PARD3B: variants seen among roughly 807,000 people sequenced by gnomAD.
PARD3B encodes par-3 family cell polarity regulator beta, also known as partitioning defective 3 homolog B.
PARD3B carries 103 observed loss-of-function variants against 130.2 expected under a neutral mutation model. That is an observed-to-expected ratio of 0.79 (90% CI 0.67 to 0.93). The LOEUF (loss-of-function observed/expected upper bound fraction) is 0.93, where lower values mean the gene tolerates loss of function less well. Ranked by LOEUF, PARD3B falls within the 40% of genes least tolerant of loss-of-function variation. The pLI is 0.00. For synonymous variants in PARD3B, 583 were observed against 553.2 expected (o/e 1.05, Z -0.76); for missense variants, 1,609 against 1,499.2 (o/e 1.07, Z -1.21).
intron 4 of PARD3B, among the ~76,000 whole-genome samples, chr2:205,062,801 G>A (rs944998920): frequency 6.6e-6 from 1 of 151,990 alleles, no homozygotes; most frequent in Non-Finnish European, 1.5e-5. Context: ...ATAAACAAAT[G>A]TATTTTAATT....
chr2:205,402,249 G>A (rs2046277882), intron 19 of PARD3B, among the ~76,000 whole-genome samples: 1 of 152,188 alleles, frequency 6.6e-6, no homozygotes. Flanking sequence ...TTACATTGTT[G>A]TTGACTATTC....
At chr2:205,394,428 T>C (rs1002357858) in intron 18 of PARD3B, among the ~76,000 whole-genome samples, 2 of 152,178 alleles carry the variant, frequency 1.3e-5, no homozygotes, top group African/African-American at 4.8e-5. Context: ...CAAGCTATTT[T>C]CCTCTCCTAG....
At chr2:205,233,838 G>C (rs1319079043) in intron 15 of PARD3B, among the ~76,000 whole-genome samples, 1 of 152,112 alleles carries the variant, frequency 6.6e-6, no homozygotes, top group Non-Finnish European at 1.5e-5. Flanking sequence ...TGTACTGAAA[G>C]TGACAACAGA....
At chr2:204,651,518 G>T (rs942684068) in intron 1 of PARD3B, among the ~76,000 whole-genome samples, 3 of 152,262 alleles carry the variant, frequency 2.0e-5, no homozygotes, top group Admixed American at 1.3e-4. Flanking sequence ...GGCTCTGCAG[G>T]ATACAGCCCC....
At chr2:205,320,940 ACT>A (rs2042732608) in intron 18 of PARD3B, among the ~76,000 whole-genome samples, 1 of 152,144 alleles carries the variant, frequency 6.6e-6, no homozygotes. Flanking sequence ...AGAGAAGAAT[ACT>A]CTCTTAAATA....
chr2:205,016,523 A>G (rs926216251), intron 3 of PARD3B, among the ~76,000 whole-genome samples: 2 of 152,152 alleles, frequency 1.3e-5, no homozygotes, highest in African/African-American at 4.8e-5. Flanking sequence ...GACTTTACCC[A>G]TAGGATCATT....
chr2:204,755,091 A>G (rs1298250328), intron 2 of PARD3B, among the ~76,000 whole-genome samples: 2 of 152,130 alleles, frequency 1.3e-5, no homozygotes, highest in Non-Finnish European at 2.9e-5. Flanking sequence ...TTTCTCAAAA[A>G]TGATTACATG....
Position 205,047,669 on chromosome 2 carries a change from G to C in PARD3B, c.483G>C (p.Gln161His), listed in dbSNP as rs1698897369. 2 of 1,549,920 alleles carry C rather than the reference G, an allele frequency of 1.3e-6. No individual in the cohort carries two copies. ...TQPSASHPGG[Q>H]SLKLVVPDST... Reference sequence around the variant, plus strand: ...CAAGCGCTTCACACCCTGGTGGCCAGAGTCTGAAACTGGTTGTTCCAGTAG... The same window carrying C: ...CAAGCGCTTCACACCCTGGTGGCCACAGTCTGAAACTGGTTGTTCCAGTAG... The change falls in exon 4 of 23, where the codon CAG becomes CAC. Residue 161 changes from glutamine to histidine, a missense_variant. Transcript: ENST00000406610.
intron 3 of PARD3B, among the ~76,000 whole-genome samples, chr2:205,033,281 G>T (rs1448325544): frequency 1.3e-5 from 2 of 152,090 alleles, no homozygotes; most frequent in African/African-American, 2.4e-5. Context: ...ATGGGGAAAA[G>T]ATTCCTCTAC....
intron 2 of PARD3B, among the ~76,000 whole-genome samples, chr2:204,885,508 T>G (rs2046241285): frequency 6.6e-6 from 1 of 152,220 alleles, no homozygotes; most frequent in African/African-American, 2.4e-5. Flanking sequence ...TTAAATACCA[T>G]TTATTCTAAT....
chr2:204,809,608 T>G (rs890925918), intron 2 of PARD3B, among the ~76,000 whole-genome samples: 10 of 152,202 alleles, frequency 6.6e-5, no homozygotes, highest in African/African-American at 1.4e-4. Context: ...ATGTGCCTGT[T>G]TTTGTACCAG....
chr2:205,246,182 C>A (rs1403078051), intron 16 of PARD3B, among the ~76,000 whole-genome samples: 3 of 151,522 alleles, frequency 2.0e-5, no homozygotes, highest in African/African-American at 7.3e-5. Flanking sequence ...CAGAGAATTC[C>A]AGAATAAGAA....
intron 2 of PARD3B, among the ~76,000 whole-genome samples, chr2:204,826,266 CGT>C (rs2043567853): frequency 1.3e-5 from 2 of 152,144 alleles, no homozygotes; most frequent in Non-Finnish European, 2.9e-5. Context: ...GCTAGTGCTG[CGT>C]GCTCTTATAA....
At chr2:205,089,527 C>T (rs1453207844) in intron 4 of PARD3B, among the ~76,000 whole-genome samples, 3 of 152,252 alleles carry the variant, frequency 2.0e-5, no homozygotes. Context: ...CTGAGGAGGG[C>T]AAAGTAGGAG....
rs148092512 is a variant in PARD3B at position 204,919,426 on chromosome 2, C to G, written c.223-45726C>G. Among the ~76,000 whole-genome samples, 1,483 of 152,310 alleles carry G rather than the reference C, an allele frequency of 9.7e-3. 26 individuals carry two copies. Among genetic ancestry groups the G allele is most frequent in the African/African-American group, 0.031 (1,283 of 41,556 alleles). ...CCCTGACCCTCAAACCTCCCAACAG[C>G]AACCACTGTTTTGATTGTTTTCTAC... On this transcript the variant is annotated intron_variant, in intron 2 of 22. Coordinates refer to ENST00000406610, the MANE Select transcript of PARD3B (RefSeq NM_001302769.2).
intron 2 of PARD3B, among the ~76,000 whole-genome samples, chr2:204,932,907 C>T (rs898816019): frequency 1.3e-5 from 2 of 152,178 alleles, no homozygotes; most frequent in African/African-American, 2.4e-5. Context: ...GGTAATGCCA[C>T]TATCCCTTTG....
intron 20 of PARD3B, among the ~76,000 whole-genome samples, chr2:205,485,728 A>G (rs975860392): frequency 6.6e-6 from 1 of 152,098 alleles, no homozygotes; most frequent in Non-Finnish European, 1.5e-5. Flanking sequence ...TTCTCCACAC[A>G]TTCCCCACAC....
At chr2:204,946,227 A>G (rs1246790976) in intron 2 of PARD3B, among the ~76,000 whole-genome samples, 1 of 152,202 alleles carries the variant, frequency 6.6e-6, no homozygotes, top group African/African-American at 2.4e-5. Flanking sequence ...AGTTCTTAAC[A>G]CAGTGCTTGG....
At chr2:205,013,531 A>C (rs956871021) in intron 3 of PARD3B, among the ~76,000 whole-genome samples, 6 of 152,080 alleles carry the variant, frequency 3.9e-5, no homozygotes, top group Non-Finnish European at 7.4e-5. Flanking sequence ...TTTGTTGTGG[A>C]GGGGCTTTCC....
Sources: gnomAD v4.1 joint callset for allele counts (sites outside exome capture counted in the v4.1 genomes callset) on GRCh38, gnomAD v4.1.1 for gene constraint, MANE v1.5 for transcripts, NCBI Gene and HGNC (gene_info 2026-07-23, HGNC 2026-07-21) for gene names.